CTNND2: variants seen among roughly 807,000 people sequenced by gnomAD.
CTNND2 encodes catenin delta-2.
A neutral mutation model predicts 144.4 loss-of-function variants in CTNND2; 22 were observed. The observed-to-expected ratio is 0.15, with a 90% CI of 0.11 to 0.22. The LOEUF (loss-of-function observed/expected upper bound fraction) is 0.22, where lower values mean the gene tolerates loss of function less well. Ranked by LOEUF, CTNND2 falls within the 10% of genes least tolerant of loss-of-function variation. The pLI, the probability that CTNND2 is intolerant of heterozygous loss-of-function variation, is 1.00. For synonymous variants in CTNND2, 751 were observed against 695.6 expected (o/e 1.08, Z -1.25); for missense variants, 1,353 against 1,618.8 (o/e 0.84, Z 2.82).
At chr5:11,045,189 C>T (rs1745104425) in intron 16 of CTNND2, among the ~76,000 whole-genome samples, 1 of 152,150 alleles carries the variant, frequency 6.6e-6, no homozygotes, top group Admixed American at 6.5e-5. Context: ...AAAAGAATAC[C>T]TGAGACTGGG....
At chr5:11,090,775 G>A (rs1395846512) in intron 15 of CTNND2, among the ~76,000 whole-genome samples, 1 of 151,802 alleles carries the variant, frequency 6.6e-6, no homozygotes, top group Non-Finnish European at 1.5e-5. Context: ...TTTAATATAT[G>A]ATTGAGCCCA....
intron 2 of CTNND2, among the ~76,000 whole-genome samples, chr5:11,703,304 A>C (rs1033721583): frequency 2.0e-5 from 3 of 152,264 alleles, no homozygotes; most frequent in Non-Finnish European, 2.9e-5. Context: ...ATATGCTATC[A>C]GGAGATAGCA....
At chr5:11,854,783 T>C (rs1795177638) in intron 1 of CTNND2, among the ~76,000 whole-genome samples, 1 of 152,230 alleles carries the variant, frequency 6.6e-6, no homozygotes, top group Admixed American at 6.5e-5. Context: ...GGCCACGAAG[T>C]AGTTCTTCAA....
chr5:11,699,728 A>T (rs1785335590), intron 2 of CTNND2, among the ~76,000 whole-genome samples: 1 of 152,244 alleles, frequency 6.6e-6, no homozygotes, highest in South Asian at 2.1e-4. Flanking sequence ...CACATAAAAA[A>T]GCATATCATC....
At chr5:11,160,973 A>G (rs531658263) in intron 11 of CTNND2, among the ~76,000 whole-genome samples, 16 of 152,376 alleles carry the variant, frequency 1.1e-4, no homozygotes, top group Middle Eastern at 3.4e-3. Flanking sequence ...AAATGTGACT[A>G]CAGAGGCAAA....
At chr5:11,487,806 T>A (rs1768968921) in intron 3 of CTNND2, among the ~76,000 whole-genome samples, 1 of 152,216 alleles carries the variant, frequency 6.6e-6, no homozygotes, top group Admixed American at 6.5e-5. Flanking sequence ...GACCTCATGT[T>A]GGTAGCTTGA....
intron 2 of CTNND2, among the ~76,000 whole-genome samples, chr5:11,682,849 C>A (rs928064084): frequency 1.3e-5 from 2 of 152,074 alleles, no homozygotes; most frequent in Non-Finnish European, 2.9e-5. Context: ...AAAACAGAAA[C>A]AATGAAATTC....
At chr5:11,800,408 T>C (rs967308816) in intron 1 of CTNND2, among the ~76,000 whole-genome samples, 12 of 152,198 alleles carry the variant, frequency 7.9e-5, no homozygotes, top group African/African-American at 2.9e-4. Context: ...AGATAGGATC[T>C]ACTCAGGATT....
In CTNND2 at chr5:11,766,984, C is replaced by T. The variant is rs187750344; in HGVS notation, c.38-34712G>A. On this transcript the variant is annotated intron_variant, in intron 1 of 21. Transcript: ENST00000304623. ...TGGCATCTCCTTGCATGCCAGAGCT[C>T]ACCCTGAGACCCACCCCACCCCACT... Among the ~76,000 whole-genome samples, 50 of 152,198 alleles carry T rather than the reference C, an allele frequency of 3.3e-4. No homozygotes were observed. In the East Asian group the frequency reaches 9.3e-3, roughly 28 times the overall value.
intron 1 of CTNND2, among the ~76,000 whole-genome samples, chr5:11,854,524 G>C (rs1263283495): frequency 6.6e-6 from 1 of 152,146 alleles, no homozygotes; most frequent in African/African-American, 2.4e-5. Context: ...GTTTATATTT[G>C]TTCTGTGATA....
At chr5:11,351,414 C>T (rs986177066) in intron 8 of CTNND2, among the ~76,000 whole-genome samples, 6 of 152,310 alleles carry the variant, frequency 3.9e-5, no homozygotes, top group Admixed American at 3.3e-4. Flanking sequence ...GCCACTTCAG[C>T]AGCTGACGTG....
intron 12 of CTNND2, among the ~76,000 whole-genome samples, chr5:11,154,222 G>A (rs1758009582): frequency 6.6e-6 from 1 of 152,192 alleles, no homozygotes; most frequent in African/African-American, 2.4e-5. Context: ...AAAAATCCAT[G>A]CAATGTTCAG....
At chr5:11,137,316 T>C (rs1190391891) in intron 12 of CTNND2, among the ~76,000 whole-genome samples, 2 of 152,222 alleles carry the variant, frequency 1.3e-5, no homozygotes, top group Non-Finnish European at 2.9e-5. Context: ...AATTTTCCTA[T>C]TCAGAGTCCG....
At chr5:10,974,971 G>T (rs1736270772) in intron 21 of CTNND2, among the ~76,000 whole-genome samples, 1 of 152,144 alleles carries the variant, frequency 6.6e-6, no homozygotes, top group Non-Finnish European at 1.5e-5. Context: ...AGCTGTCTAG[G>T]ATGTCCCACG....
intron 1 of CTNND2, among the ~76,000 whole-genome samples, chr5:11,778,464 T>G (rs1237071379): frequency 2.0e-5 from 3 of 152,196 alleles, no homozygotes; most frequent in African/African-American, 7.2e-5. Flanking sequence ...GAGCCATGCT[T>G]GACAGGATGA....
chr5:11,681,195 C>T (rs1224828895), intron 2 of CTNND2, among the ~76,000 whole-genome samples: 2 of 152,032 alleles, frequency 1.3e-5, no homozygotes, highest in African/African-American at 4.8e-5. Context: ...AGAGGAAAAC[C>T]AAAGGAGAAT....
At chr5:11,678,800 C>T (rs1008635166) in intron 2 of CTNND2, among the ~76,000 whole-genome samples, 1 of 151,980 alleles carries the variant, frequency 6.6e-6, no homozygotes, top group Admixed American at 6.6e-5. Flanking sequence ...GTAAAATGTT[C>T]CGGCCTATAT....
chr5:11,265,954 C>T lies in CTNND2; in HGVS notation c.1629-29131G>A, dbSNP rs185893218. On this transcript the variant is annotated intron_variant, in intron 9 of 21. Transcript: ENST00000304623. ...CTGGAACTCCTGACCTTGTGATCTG[C>T]CCACCTCAGCCTCCCAAAGTGCTGG... 6.6e-4 allele frequency among the ~76,000 whole-genome samples: 100 copies of T among 152,134 alleles called. 1 individual carries two copies. In the East Asian group the frequency reaches 0.018, roughly 27 times the overall value.
rs531159992 is a variant in CTNND2 at position 11,886,555 on chromosome 5, C to G, written c.37+17262G>C. ...ATAATTGTTTAGTATAAGTGTGTCC[C>G]ATGCAATATTTGGAACATACTTAGA... On this transcript the variant is annotated intron_variant, in intron 1 of 21. Coordinates refer to ENST00000304623, the MANE Select transcript of CTNND2 (RefSeq NM_001332.4). 5.3e-5 allele frequency among the ~76,000 whole-genome samples: 8 copies of G among 151,918 alleles called. No individual in the cohort carries two copies. In the East Asian group the frequency reaches 1.5e-3, roughly 29 times the overall value.
Sources: gnomAD v4.1 joint callset for allele counts (sites outside exome capture counted in the v4.1 genomes callset) on GRCh38, gnomAD v4.1.1 for gene constraint, MANE v1.5 for transcripts, NCBI Gene and HGNC (gene_info 2026-07-23, HGNC 2026-07-21) for gene names.